RRP9: variants seen among roughly 807,000 people sequenced by gnomAD.
RRP9 encodes the protein U3 small nucleolar RNA-interacting protein 2.
A neutral mutation model predicts 65.5 loss-of-function variants in RRP9; 35 were observed. The ratio of observed to expected loss-of-function variants is 0.53; its 90% CI spans 0.41 to 0.71. The LOEUF is 0.71. RRP9 is among the 30% of genes least tolerant of loss of function. The pLI is 0.00. For missense variants in RRP9, 533 were observed against 633.6 expected (o/e 0.84, Z 1.70); for synonymous variants, 254 against 245.0 (o/e 1.04, Z -0.34).
rs1263121143 is a variant in RRP9 at position 51,933,527 on chromosome 3, T to G, written c.1407A>C (p.Val469=). 1 of 1,613,486 alleles carries G rather than the reference T, an allele frequency of 6.2e-7. No homozygotes were observed. The highest frequency in any genetic ancestry group is 8.5e-7 in the Non-Finnish European group (1 of 1,179,820). ...AGTGTCAGGAACCAGCAGCTGGGGGTACAGGGACCCTGCGGAGTGGGATGA... is the reference window on the plus strand; with the variant it reads ...AGTGTCAGGAACCAGCAGCTGGGGGGACAGGGACCCTGCGGAGTGGGATGA... ...VCIIPLRRVP[V]PPAAGS The change falls in exon 15 of 15, where the codon GTA becomes GTC. Residue 469 remains valine (V), a synonymous_variant. Transcript: ENST00000232888.
Position 51,937,273 on chromosome 3 carries a change from G to A in RRP9, c.436C>T (p.Gln146Ter). The A allele has an allele frequency of 6.2e-7, 1 of 1,614,154 alleles. No homozygotes were observed. The highest frequency in any genetic ancestry group is 8.5e-7 in the Non-Finnish European group (1 of 1,180,030). ...SADIRVLRGH[Q>*]LSITCLVVTP... ...ACGACCAAACATGTGATAGAGAGCT[G>A]GTGCCCCCGTAAAACGCGAATGTCA... Residue 146 changes from glutamine to a stop codon, truncating the protein, a stop_gained, in exon 6 of 15, where the codon CAG becomes TAG. Transcript: ENST00000232888. LOFTEE classifies it high-confidence loss of function. This position sits in a 1 kb window ranked among gnomAD's most constrained non-coding sequence, Gnocchi z 5.0.
chr3:51,939,263 T>C (rs1033911315), intron 2 of RRP9, among the ~76,000 whole-genome samples: 2 of 152,266 alleles, frequency 1.3e-5, no homozygotes, highest in African/African-American at 4.8e-5. Flanking sequence ...TTTAGTGCCC[T>C]GTGCCTGGCA....
At chr3:51,936,951 T>C (rs1433894366) in intron 6 of RRP9, among the ~76,000 whole-genome samples, 1 of 152,210 alleles carries the variant, frequency 6.6e-6, no homozygotes, top group Non-Finnish European at 1.5e-5. Flanking sequence ...ACCTGCAGCA[T>C]TAATTCCCAT....
At position 51,939,357 on chromosome 3, in the gene RRP9, G is replaced by T. The variant is rs150785094; in HGVS notation, c.171-1153C>A. 4.6e-5 allele frequency among the ~76,000 whole-genome samples: 7 copies of T among 152,336 alleles called. No homozygotes were observed. In the East Asian group the frequency reaches 1.3e-3, roughly 29 times the overall value. On this transcript the variant is annotated intron_variant, in intron 2 of 14. Transcript: ENST00000232888. ...TAACTTCGGACTTCTACTCAATTTA[G>T]CCAAACTAATTAATCTATTGTTGAA...
rs1397470811 is a variant in RRP9, at chr3:51,937,800, C to T, written c.281-64G>A. Reference sequence around the variant, plus strand: ...GACCCCTCTTTCCCTTCCATCCTGTCCCCATCCCACTGCCCCAGGGCTGGA... The same window carrying T: ...GACCCCTCTTTCCCTTCCATCCTGTTCCCATCCCACTGCCCCAGGGCTGGA... On this transcript the variant is annotated intron_variant, in intron 3 of 14. Transcript: ENST00000232888. This position sits in a 1 kb window ranked among gnomAD's most constrained non-coding sequence, Gnocchi z 5.0. 2 of 1,575,774 alleles carry T rather than the reference C, an allele frequency of 1.3e-6. No individual in the cohort carries two copies. Among genetic ancestry groups the T allele is most frequent in the Non-Finnish European group, 1.7e-6 (2 of 1,149,126 alleles).
In RRP9 at chr3:51,937,281, C is replaced by T. The variant is rs767806343; in HGVS notation, c.428G>A (p.Arg143Gln). Residue 143 changes from arginine (R) to glutamine (Q), a missense_variant, in exon 6 of 15, where the codon CGG (arginine) becomes CAG (glutamine). By Grantham distance (43) the Arg-to-Gln change is conservative. Transcript: ENST00000232888. The surrounding 1 kb of genome is among the most constrained non-coding windows in gnomAD (Gnocchi z 5.0). The part of the protein sequence containing the change: ...APASADIRVL[R>Q]GHQLSITCLV... ...ACATGTGATAGAGAGCTGGTGCCCC[C>T]GTAAAACGCGAATGTCAGCTGAGGC... 4 of 1,614,134 alleles carry T rather than the reference C, an allele frequency of 2.5e-6. No homozygotes were observed. Among genetic ancestry groups the T allele is most frequent in the Non-Finnish European group, 3.4e-6 (4 of 1,180,036 alleles).
rs753137942 is a variant in RRP9, at chr3:51,933,485, T to TA, written c.*20dup. ...GGTGGGGCATAGCCTGGGAAGGACTTAAATAAGGAGGATAAGAGTGTCAGG... is the reference window on the plus strand; with the variant it reads ...GGTGGGGCATAGCCTGGGAAGGACTTAAAATAAGGAGGATAAGAGTGTCAGG... On this transcript the variant is annotated 3_prime_UTR_variant, in exon 15 of 15. Coordinates refer to ENST00000232888, the MANE Select transcript of RRP9 (RefSeq NM_004704.5). 2.5e-6 allele frequency: 4 copies of TA among 1,600,150 alleles called. No homozygotes were observed. The highest frequency in any genetic ancestry group is 3.3e-5 in the Admixed American group (2 of 59,758).
At position 51,937,257 on chromosome 3, in the gene RRP9, CAT is replaced by C. The variant is rs1160249883; in HGVS notation, c.450_451del (p.Cys151PhefsTer7). 1.2e-6 allele frequency: 2 copies of C among 1,614,026 alleles called. No homozygotes were observed. The highest frequency in any genetic ancestry group is 2.2e-5 in the East Asian group (1 of 44,896). ...TGAGTCATCGGGGGTGACGACCAAACATGTGATAGAGAGCTGGTGCCCCCGTA... is the reference window on the plus strand; with the variant it reads ...TGAGTCATCGGGGGTGACGACCAAACGTGATAGAGAGCTGGTGCCCCCGTA... On this transcript the variant is annotated frameshift_variant, in exon 6 of 15. Coordinates refer to ENST00000232888, the MANE Select transcript of RRP9 (RefSeq NM_004704.5). LOFTEE classifies it high-confidence loss of function. This position sits in a 1 kb window ranked among gnomAD's most constrained non-coding sequence, Gnocchi z 5.0.
At chr3:51,939,578 G>C (rs1379083385) in intron 2 of RRP9, among the ~76,000 whole-genome samples, 1 of 152,208 alleles carries the variant, frequency 6.6e-6, no homozygotes, top group Non-Finnish European at 1.5e-5. Flanking sequence ...CTTCAGGGTA[G>C]AGGTGGTCAC....
At chr3:51,935,498 G>A (rs1432811566) in intron 9 of RRP9, 22 bp from the exon 10 acceptor site, 12 of 1,614,040 alleles carry the variant, frequency 7.4e-6, no homozygotes, top group Non-Finnish European at 9.3e-6. Flanking sequence ...GGCAGAGCAG[G>A]ATAGTGGGGA....
Position 51,937,065 on chromosome 3 carries a change from G to A in RRP9, c.517+127C>T, listed in dbSNP as rs1300999772. 31 of 1,213,440 alleles carry A rather than the reference G, an allele frequency of 2.6e-5. No individual in the cohort carries two copies. Among genetic ancestry groups the A allele is most frequent in the Non-Finnish European group, 2.8e-5 (24 of 853,448 alleles). The allele number at this position is 1,213,440 out of a possible 1,614,324, so 75.2% of individuals were successfully genotyped here. On this transcript the variant is annotated intron_variant, in intron 6 of 14. Coordinates refer to ENST00000232888, the MANE Select transcript of RRP9 (RefSeq NM_004704.5). This position sits in a 1 kb window ranked among gnomAD's most constrained non-coding sequence, Gnocchi z 5.0. ...ACTGTCACCCAGAGAGCACTCCTAG[G>A]GCAGCAAACCTGCCTCCAGAGACTT... is the stretch of plus-strand genomic sequence containing the variant.
Position 51,934,901 on chromosome 3 carries a change from T to C in RRP9, c.1035-125A>G, listed in dbSNP as rs1301248270. On this transcript the variant is annotated intron_variant, in intron 11 of 14. Coordinates refer to ENST00000232888, the MANE Select transcript of RRP9 (RefSeq NM_004704.5). This position sits in a 1 kb window ranked among gnomAD's most constrained non-coding sequence, Gnocchi z 4.1. Reference sequence around the variant, plus strand: ...TTCCCATGATGTGATTATTACATATTGCATGCCTGTATCAAAACATCTCAA... The same window carrying C: ...TTCCCATGATGTGATTATTACATATCGCATGCCTGTATCAAAACATCTCAA... 1.9e-6 allele frequency: 2 copies of C among 1,056,106 alleles called. No individual in the cohort carries two copies. Among genetic ancestry groups the C allele is most frequent in the Non-Finnish European group, 2.7e-6 (2 of 738,862 alleles). 65.4% of individuals were successfully genotyped at this position (1,056,106 alleles called of 1,614,324 possible). A position where few individuals can be genotyped will look rare whatever the true frequency, so the allele number is the denominator to read the frequency against.
In RRP9 at chr3:51,937,164, C is replaced by A. The variant is rs1176315552; in HGVS notation, c.517+28G>T. 1 of 1,610,930 alleles carries A rather than the reference C, an allele frequency of 6.2e-7. No homozygotes were observed. The highest frequency in any genetic ancestry group is 8.5e-7 in the Non-Finnish European group (1 of 1,178,686). ...AGCCCTCCCGGATCCGCCATGGGGG[C>A]TCCAGCCCCACCCAGGCACTCACTC... is the stretch of plus-strand genomic sequence containing the variant. On this transcript the variant is annotated intron_variant, in intron 6 of 14. Coordinates refer to ENST00000232888, the MANE Select transcript of RRP9 (RefSeq NM_004704.5). The surrounding 1 kb of genome is among the most constrained non-coding windows in gnomAD (Gnocchi z 5.0).
In RRP9 at chr3:51,941,472, CT is replaced by C; in HGVS notation, c.106del (p.Arg36GlyfsTer10). On this transcript the variant is annotated frameshift_variant, in exon 2 of 15. Transcript: ENST00000232888. LOFTEE classifies it high-confidence loss of function. ...RRRKADSAGD[R>X]GKSKGGGKMN... ...CTTGCCGCCACCCTTGGATTTGCCC[CT>C]GTCCCCCGCAGAGTCGGCCTGGGAA... 2 of 1,614,154 alleles carry C rather than the reference CT, an allele frequency of 1.2e-6. No homozygotes were observed. Among genetic ancestry groups the C allele is most frequent in the Non-Finnish European group, 1.7e-6 (2 of 1,180,038 alleles).
rs1699473458 is a variant in RRP9, at chr3:51,937,574, C to T, written c.361G>A (p.Gly121Ser). 2 of 1,614,130 alleles carry T rather than the reference C, an allele frequency of 1.2e-6. No individual in the cohort carries two copies. The highest frequency in any genetic ancestry group is 3.3e-5 in the Admixed American group (2 of 60,006). The change falls in exon 5 of 15, where the codon GGC becomes AGC. Residue 121 changes from glycine to serine, a missense_variant. By Grantham distance (56) the Gly-to-Ser change is moderately conservative (BLOSUM62 0). This residue lies in a region of RRP9 where 449 missense variants were observed against 550.6 expected (regional missense o/e 0.82). Transcript: ENST00000232888. The surrounding 1 kb of genome is among the most constrained non-coding windows in gnomAD (Gnocchi z 5.0). ...TTTGCCACCAACTTCTGCAGCCTGC[C>T]CCTCTGCTCAAGCTGCATGGAGAAG... ...RLKEDVLEQR[G>S]RLQKLVAKEI...
chr3:51,936,586 G>A, intron 6 of RRP9, 31 bp from the exon 7 acceptor site: 1 of 1,605,636 alleles, frequency 6.2e-7, no homozygotes, highest in Non-Finnish European at 8.5e-7. Flanking sequence ...GAAGCTACTG[G>A]GATGGGGGGA....
At chr3:51,935,140 G>C (rs747551575) in intron 11 of RRP9, 57 bp downstream of exon 11, 7 of 1,597,856 alleles carry the variant, frequency 4.4e-6, no homozygotes, top group Admixed American at 1.7e-5. Context: ...GGGCCCCGTG[G>C]ACAGCCAGCA....
At chr3:51,933,635 C>G in intron 14 of RRP9, 36 bp from the exon 15 acceptor site, 1 of 1,608,478 alleles carries the variant, frequency 6.2e-7, no homozygotes, top group South Asian at 1.1e-5. Context: ...AGACTCGGCC[C>G]AGTCTCCACC....
chr3:51,936,467 G>C lies in RRP9; in HGVS notation c.606C>G (p.Val202=), dbSNP rs781521220. 16 of 1,614,228 alleles carry C rather than the reference G, an allele frequency of 9.9e-6. No homozygotes were observed. Among genetic ancestry groups the C allele is most frequent in the Non-Finnish European group, 1.4e-5 (16 of 1,180,048 alleles). Residue 202 remains valine, a synonymous_variant, in exon 7 of 15, where the codon GTC becomes GTG. Transcript: ENST00000232888. ...CGTCGGAGGAGATGGCCATGCAGAG[G>C]ACGTGGCTGCTGTGGCCAGGGGGCT... ...EGKPPGHSSH[V]LCMAISSDGK...
Sources: allele counts gnomAD v4.1 joint callset (sites outside exome capture counted in the v4.1 genomes callset), GRCh38; gene constraint gnomAD v4.1.1; regional missense constraint gnomAD v4.1.1; non-coding constraint Gnocchi (gnomAD v3.1); transcripts MANE v1.5; gene names NCBI Gene and HGNC (gene_info 2026-07-23, HGNC 2026-07-21).